B4GALNT1: variants seen among roughly 807,000 people sequenced by gnomAD.
The protein encoded by B4GALNT1 is beta-1,4-N-acetyl-galactosaminyltransferase 1.
Under a neutral mutation model 55.2 loss-of-function variants are expected in B4GALNT1, and 43 were observed. The ratio of observed to expected loss-of-function variants is 0.78; its 90% CI spans 0.61 to 1.00. The LOEUF (loss-of-function observed/expected upper bound fraction) is 1.00, where lower values mean the gene tolerates loss of function less well. Among genes scored for constraint, B4GALNT1 ranks in the 50% least tolerant of loss-of-function variants. The pLI is 0.00. For missense variants in B4GALNT1, 664 were observed against 729.7 expected, an observed-to-expected ratio of 0.91 and a Z score of 1.04; for synonymous variants, 305 against 311.6, an observed-to-expected ratio of 0.98 and a Z score of 0.22.
chr12:57,624,895 G>A lies in B4GALNT1; in HGVS notation c.*1849C>T, dbSNP rs566212389. On this transcript the variant is annotated 3_prime_UTR_variant, in exon 11 of 11. Transcript: ENST00000341156. Reference sequence around the variant, plus strand: ...TCCAGGTCCCGGGGCTCTGCATCCTGAGCTATCCAACACCACTGTACTTTG... The same window carrying A: ...TCCAGGTCCCGGGGCTCTGCATCCTAAGCTATCCAACACCACTGTACTTTG... 1 of 1,614,150 alleles carries A rather than the reference G, an allele frequency of 6.2e-7. No individual in the cohort carries two copies. The highest frequency in any genetic ancestry group is 2.2e-5 in the East Asian group (1 of 44,892).
chr12:57,629,929 A>G, intron 6 of B4GALNT1: 1 of 1,536,188 alleles, frequency 6.5e-7, no homozygotes, highest in African/African-American at 1.4e-5. Flanking sequence ...GGGGAGACAC[A>G]CCCAAGGCTC....
chr12:57,625,146 A>G lies in B4GALNT1; in HGVS notation c.*1598T>C, dbSNP rs760666988. The G allele has an allele frequency of 1.2e-6, 2 of 1,613,868 alleles. No homozygotes were observed. Among genetic ancestry groups the G allele is most frequent in the African/African-American group, 2.7e-5 (2 of 74,840 alleles). ...AGGAGACTTCAAAGCCAGATGGCCC[A>G]ATGGTTGCAGGTGAGATGGGGTGAC... On this transcript the variant is annotated 3_prime_UTR_variant, in exon 11 of 11. Transcript: ENST00000341156.
At chr12:57,632,470 G>T in intron 1 of B4GALNT1, 2 of 410,138 alleles carry the variant, frequency 4.9e-6, no homozygotes, top group South Asian at 4.6e-5. Flanking sequence ...GCTCTATCAG[G>T]GCAGTGGCAG....
In B4GALNT1 at chr12:57,624,785, A is replaced by C; in HGVS notation, c.*1959T>G. On this transcript the variant is annotated 3_prime_UTR_variant, in exon 11 of 11. Transcript: ENST00000341156. ...AGAGCTCTACAGACCACTCAGAGGA[A>C]GCCCCAGGGTGGGTGGGCTGCAGCC... 7.9e-7 allele frequency: 1 copy of C among 1,272,816 alleles called. No homozygotes were observed. The highest frequency in any genetic ancestry group is 1.2e-6 in the Non-Finnish European group (1 of 869,246). 78.8% of individuals were successfully genotyped at this position (1,272,816 alleles called of 1,614,324 possible). A position where few individuals can be genotyped will look rare whatever the true frequency, so the allele number is the denominator to read the frequency against.
rs903869585 is a variant in B4GALNT1 at position 57,626,516 on chromosome 12, T to C, written c.*228A>G. 11 of 571,460 alleles carry C rather than the reference T, an allele frequency of 1.9e-5. No individual in the cohort carries two copies. In the African/African-American group the frequency reaches 2.1e-4, roughly 11 times the overall value. 35.4% of individuals were successfully genotyped at this position (571,460 alleles called of 1,614,324 possible). On this transcript the variant is annotated 3_prime_UTR_variant, in exon 11 of 11. Coordinates refer to ENST00000341156, the MANE Select transcript of B4GALNT1 (RefSeq NM_001478.5). ...AATGGGCAGGGGGAGGACTTGGCAC[T>C]GGCTGTGGGAGAGGTTATGGCTCCA...
chr12:57,628,420 C>G, intron 8 of B4GALNT1, 158 bp from the exon 9 acceptor site: 1 of 1,117,620 alleles, frequency 8.9e-7, no homozygotes, highest in Non-Finnish European at 1.2e-6. Context: ...AATGCAGATC[C>G]CCACAGAGGT....
rs1267996478 is a variant in B4GALNT1, at chr12:57,630,166, T to C, written c.698A>G (p.Asn233Ser). The C allele has an allele frequency of 1.9e-6, 3 of 1,614,230 alleles. No homozygotes were observed. Among genetic ancestry groups the C allele is most frequent in the Non-Finnish European group, 1.7e-6 (2 of 1,180,034 alleles). The change falls in exon 6 of 11, where the codon AAC (asparagine) becomes AGC (serine). Residue 233 changes from asparagine (N) to serine (S), a missense_variant. Coordinates refer to ENST00000341156, the MANE Select transcript of B4GALNT1 (RefSeq NM_001478.5). Reference sequence around the variant, plus strand: ...AGGCCTTGCACCTGTGTCTGCTGTGTTGGTCTGGTAGCTTCGGCTGCTGTA... The same window carrying C: ...AGGCCTTGCACCTGTGTCTGCTGTGCTGGTCTGGTAGCTTCGGCTGCTGTA... ...VTYSSRSYQT[N>S]TADTVRFSTE...
rs779998561 is a variant in B4GALNT1, at chr12:57,625,341, G to T, written c.*1403C>A. 17 of 1,613,928 alleles carry T rather than the reference G, an allele frequency of 1.1e-5. No individual in the cohort carries two copies. The South Asian group carries it at 1.9e-4, about 18-fold the overall frequency. On this transcript the variant is annotated 3_prime_UTR_variant, in exon 11 of 11. Coordinates refer to ENST00000341156, the MANE Select transcript of B4GALNT1 (RefSeq NM_001478.5). Reference sequence around the variant, plus strand: ...CAGGTGAGGGAGAGGGTAGGTTGAGGAGAAACCCCTTAGCATCTCACTCAT... The same window carrying T: ...CAGGTGAGGGAGAGGGTAGGTTGAGTAGAAACCCCTTAGCATCTCACTCAT...
At position 57,633,149 on chromosome 12, in the gene B4GALNT1, C is replaced by G. The variant is rs1200091719; in HGVS notation, c.-379G>C. 6.6e-6 allele frequency: 1 copy of G among 152,286 alleles called. No individual in the cohort carries two copies. The highest frequency in any genetic ancestry group is 1.5e-5 in the Non-Finnish European group (1 of 68,072). The allele number at this position is 152,286 out of a possible 1,614,324, so 9.4% of individuals were successfully genotyped here. A position where few individuals can be genotyped will look rare whatever the true frequency, so the allele number is the denominator to read the frequency against. ...CCCGGCTCTTCGCACCGCAGCGCAG[C>G]GCGGCTCAGCTCCCGGCTCGTTGCG... On this transcript the variant is annotated 5_prime_UTR_variant, in exon 1 of 11. Coordinates refer to ENST00000341156, the MANE Select transcript of B4GALNT1 (RefSeq NM_001478.5).
At position 57,628,887 on chromosome 12, in the gene B4GALNT1, G is replaced by T; in HGVS notation, c.828C>A (p.Ser276Arg). Residue 276 changes from serine (S) to arginine (R), a missense_variant, in exon 8 of 11, where the codon AGC becomes AGA. By Grantham distance (110) the Ser-to-Arg change is moderately radical (BLOSUM62 -1). Coordinates refer to ENST00000341156, the MANE Select transcript of B4GALNT1 (RefSeq NM_001478.5). ...TCTTGGTGGCAATCGTGACTAGAGC[G>T]CTGATGTTGTACTGGGCTGAGATTG... ...SLPQGAQYNI[S>R]ALVTIATKTF... 1.2e-6 allele frequency: 2 copies of T among 1,614,198 alleles called. No individual in the cohort carries two copies. Among genetic ancestry groups the T allele is most frequent in the Non-Finnish European group, 1.7e-6 (2 of 1,180,040 alleles).
At chr12:57,628,389 G>C (rs888793447) in intron 8 of B4GALNT1, 127 bp from the exon 9 acceptor site, 1 of 1,388,556 alleles carries the variant, frequency 7.2e-7, no homozygotes, top group Non-Finnish European at 9.8e-7. Flanking sequence ...GCTTTCGAAA[G>C]GCCAGGAGCT....
Position 57,625,200 on chromosome 12 carries a change from G to A in B4GALNT1, c.*1544C>T. 1 of 1,614,094 alleles carries A rather than the reference G, an allele frequency of 6.2e-7. No individual in the cohort carries two copies. The highest frequency in any genetic ancestry group is 2.2e-5 in the East Asian group (1 of 44,876). The stretch of plus-strand genomic sequence containing the variant: ...AAGGAAGATTTGGGCATGTTGCATG[G>A]TGACACCTGGGTACTCCTGTCTTCT... On this transcript the variant is annotated 3_prime_UTR_variant, in exon 11 of 11. Coordinates refer to ENST00000341156, the MANE Select transcript of B4GALNT1 (RefSeq NM_001478.5).
chr12:57,628,577 G>A, intron 8 of B4GALNT1, 136 bp downstream of exon 8: 1 of 1,118,554 alleles, frequency 8.9e-7, no homozygotes, highest in Non-Finnish European at 1.3e-6. Context: ...TTACATTCCA[G>A]GAATCCTCAT....
intron 2 of B4GALNT1, among the ~76,000 whole-genome samples, chr12:57,631,604 C>T (rs937397873): frequency 1.3e-4 from 20 of 152,036 alleles, no homozygotes; most frequent in Non-Finnish European, 2.2e-4. Flanking sequence ...TCAGGAGCTG[C>T]CTACCCACCA....
In B4GALNT1 at chr12:57,625,521, G is replaced by C; in HGVS notation, c.*1223C>G. 1 of 1,613,694 alleles carries C rather than the reference G, an allele frequency of 6.2e-7. No individual in the cohort carries two copies. Among genetic ancestry groups the C allele is most frequent in the South Asian group, 1.1e-5 (1 of 91,038 alleles). On this transcript the variant is annotated 3_prime_UTR_variant, in exon 11 of 11. Transcript: ENST00000341156. ...GCCTGGGCAATGACTGGACACCTGCGGTAGGGAAAAGGACCCGGTGTGGAC... is the reference window on the plus strand; with the variant it reads ...GCCTGGGCAATGACTGGACACCTGCCGTAGGGAAAAGGACCCGGTGTGGAC...
rs974639680 is a variant in B4GALNT1 at position 57,632,066 on chromosome 12, G to A, written c.67C>T (p.Leu23=). 6 of 1,445,148 alleles carry A rather than the reference G, an allele frequency of 4.2e-6. No individual in the cohort carries two copies. Among genetic ancestry groups the A allele is most frequent in the African/African-American group, 2.9e-5 (2 of 68,878 alleles). The allele number at this position is 1,445,148 out of a possible 1,614,324, so 89.5% of individuals were successfully genotyped here. ...LLLACASLGL[L]YASTRDAPGL... is the part of the protein sequence containing the mutation. The stretch of plus-strand genomic sequence containing the variant: ...GGCGCGTCCCGGGTGCTCGCGTACA[G>A]GAGCCCCAGCGAGGCGCAGGCGAGC... Residue 23 remains leucine, a synonymous_variant, in exon 2 of 11, where the codon CTG becomes TTG. Coordinates refer to ENST00000341156, the MANE Select transcript of B4GALNT1 (RefSeq NM_001478.5).
intron 4 of B4GALNT1, 64 bp from the exon 5 acceptor site, chr12:57,630,582 C>G: frequency 1.3e-6 from 2 of 1,519,022 alleles, no homozygotes; most frequent in Non-Finnish European, 1.8e-6. Context: ...CTCATTTTCT[C>G]TCCCTGCTGT....
In B4GALNT1 at chr12:57,625,864, C is replaced by T. The variant is rs1046301520; in HGVS notation, c.*880G>A. On this transcript the variant is annotated 3_prime_UTR_variant, in exon 11 of 11. Transcript: ENST00000341156. ...AGATTGAAGACCAAATCAGGGAGCC[C>T]GGGCTGAGCTATGGGTGAGGAACTG... 3.3e-5 allele frequency: 40 copies of T among 1,215,874 alleles called. No individual in the cohort carries two copies. The highest frequency in any genetic ancestry group is 3.8e-5 in the Non-Finnish European group (35 of 928,754). 75.3% of individuals were successfully genotyped at this position (1,215,874 alleles called of 1,614,324 possible). A position where few individuals can be genotyped will look rare whatever the true frequency, so the allele number is the denominator to read the frequency against.
rs1477848514 is a variant in B4GALNT1 at position 57,624,390 on chromosome 12, A to C, written c.*2354T>G. On this transcript the variant is annotated 3_prime_UTR_variant, in exon 11 of 11. Transcript: ENST00000341156. ...TGTCATGCTTTCCACTTCTTCCTGG[A>C]TCATCTCTCCCCATCACTTGCCTTG... 4 of 614,062 alleles carry C rather than the reference A, an allele frequency of 6.5e-6. No individual in the cohort carries two copies. In the East Asian group the frequency reaches 1.3e-4, roughly 21 times the overall value. 38.0% of individuals were successfully genotyped at this position (614,062 alleles called of 1,614,324 possible). A position where few individuals can be genotyped will look rare whatever the true frequency, so the allele number is the denominator to read the frequency against.
Sources: gnomAD v4.1 joint callset for allele counts (sites outside exome capture counted in the v4.1 genomes callset) on GRCh38, gnomAD v4.1.1 for gene constraint, MANE v1.5 for transcripts, NCBI Gene and HGNC (gene_info 2026-07-23, HGNC 2026-07-21) for gene names.